CRB1: variants seen among roughly 807,000 people sequenced by gnomAD.
CRB1 encodes crumbs cell polarity complex component 1, also known as protein crumbs homolog 1.
Under a neutral mutation model 120.0 loss-of-function variants are expected in CRB1, and 83 were observed. The observed-to-expected ratio is 0.69, with a 90% confidence interval of 0.58 to 0.83. The LOEUF (loss-of-function observed/expected upper bound fraction) is 0.83. Among genes scored for constraint, CRB1 ranks in the 40% least tolerant of loss-of-function variants. The probability of loss-of-function intolerance (pLI) is 0.00; values close to 1 mark genes in which losing one functional copy is unlikely to be tolerated. For missense variants in CRB1, 1,699 were observed against 1,687.6 expected (o/e 1.01, Z -0.12); for synonymous variants, 625 against 612.5 (o/e 1.02, Z -0.30).
intron 4 of CRB1, among the ~76,000 whole-genome samples, chr1:197,354,697 G>A (rs955171645): frequency 1.1e-4 from 16 of 151,928 alleles, no homozygotes; most frequent in African/African-American, 3.9e-4. Context: ...CAAACAGTGG[G>A]CAACAGCAAG....
the CRB1 span, among the ~76,000 whole-genome samples, chr1:197,205,609 T>C: frequency 2.0e-5 from 3 of 152,198 alleles, no homozygotes; most frequent in African/African-American, 7.2e-5. Context: ...CATTGGATCA[T>C]GGTGGATTAT....
the CRB1 span, among the ~76,000 whole-genome samples, chr1:197,236,896 T>A: frequency 2.0e-5 from 3 of 152,228 alleles, no homozygotes; most frequent in Non-Finnish European, 2.9e-5. Flanking sequence ...TAAGCTTTTT[T>A]AAAATAATTT....
intron 5 of CRB1, among the ~76,000 whole-genome samples, chr1:197,366,048 AT>A (rs796232880): frequency 2.0e-5 from 3 of 151,834 alleles, no homozygotes; most frequent in South Asian, 2.1e-4. Context: ...AAGAAAAAAA[AT>A]TTTTTTAATG....
chr1:197,422,366 A>G (rs1434682971), intron 6 of CRB1, among the ~76,000 whole-genome samples: 1 of 152,130 alleles, frequency 6.6e-6, no homozygotes, highest in Non-Finnish European at 1.5e-5. Context: ...CTAGCATGAT[A>G]TCTTGTGCAT....
the CRB1 span, among the ~76,000 whole-genome samples, chr1:197,241,929 AG>A: frequency 6.6e-6 from 1 of 151,896 alleles, no homozygotes; most frequent in Non-Finnish European, 1.5e-5. Flanking sequence ...TTGTATTCCT[AG>A]GTATTTTATT....
At chr1:197,356,802 A>T in intron 4 of CRB1, 29 bp from the exon 5 acceptor site, 1 of 1,612,874 alleles carries the variant, frequency 6.2e-7, no homozygotes, top group Non-Finnish European at 8.5e-7. Flanking sequence ...CCTTTGACTT[A>T]GCAGCTTCTC....
chr1:197,436,240 G>C (rs1665155989), intron 9 of CRB1, among the ~76,000 whole-genome samples: 1 of 151,956 alleles, frequency 6.6e-6, no homozygotes, highest in Non-Finnish European at 1.5e-5. Flanking sequence ...AAGCAAGCTA[G>C]AGAAAATAAA....
intron 5 of CRB1, chr1:197,357,444 G>T: frequency 4.4e-6 from 1 of 225,836 alleles, no homozygotes; most frequent in Non-Finnish European, 8.9e-6. Flanking sequence ...CGATTCTGTA[G>T]CTAAAGTCAT....
At chr1:197,356,694 C>T in intron 4 of CRB1, 137 bp from the exon 5 acceptor site, 1 of 806,090 alleles carries the variant, frequency 1.2e-6, no homozygotes, top group Non-Finnish European at 2.1e-6. Context: ...TTACCAGATT[C>T]CCCTTACCAG....
intron 2 of CRB1, among the ~76,000 whole-genome samples, chr1:197,335,551 T>C (rs963808816): frequency 1.3e-5 from 2 of 152,022 alleles, no homozygotes; most frequent in African/African-American, 4.8e-5. Context: ...CAGGCTGGAG[T>C]GCAGTGGTGC....
intron 1 of CRB1, among the ~76,000 whole-genome samples, chr1:197,326,238 C>T (rs1658485403): frequency 6.6e-6 from 1 of 152,150 alleles, no homozygotes; most frequent in Non-Finnish European, 1.5e-5. Context: ...TACAAAGATA[C>T]AGCAGATGCT....
the CRB1 span, among the ~76,000 whole-genome samples, chr1:197,246,726 T>G: frequency 6.6e-6 from 1 of 152,080 alleles, no homozygotes; most frequent in Non-Finnish European, 1.5e-5. Flanking sequence ...AATTCAAAAT[T>G]CAGTGTACAT....
At chr1:197,414,335 A>G (rs1414090594) in intron 5 of CRB1, among the ~76,000 whole-genome samples, 2 of 152,110 alleles carry the variant, frequency 1.3e-5, no homozygotes, top group East Asian at 1.9e-4. Flanking sequence ...TTCATTAACC[A>G]TGGCTTCAGC....
chr1:197,420,217 CTTTG>C (rs763228455), intron 5 of CRB1, among the ~76,000 whole-genome samples: 5 of 152,018 alleles, frequency 3.3e-5, no homozygotes, highest in Non-Finnish European at 7.4e-5. Context: ...TATTGTTACT[CTTTG>C]TTCATTTGAA....
intron 5 of CRB1, among the ~76,000 whole-genome samples, chr1:197,379,521 C>CA (rs1359006386): frequency 6.9e-6 from 1 of 143,994 alleles, no homozygotes; most frequent in African/African-American, 2.6e-5. Context: ...AGGATGGTCT[C>CA]AATCTCCTGA....
In CRB1 at chr1:197,421,898, G is replaced by A. The variant is rs1664351740; in HGVS notation, c.2070G>A (p.Leu690=). 2.5e-6 allele frequency: 4 copies of A among 1,614,198 alleles called. No individual in the cohort carries two copies. The highest frequency in any genetic ancestry group is 2.7e-5 in the African/African-American group (2 of 75,066). The stretch of plus-strand genomic sequence containing the variant: ...AAAGCAGAGGACGCTGCATCAACTT[G>A]TGGCTGAGTTACCAGTGTGACTGCC... ...PCQSRGRCIN[L]WLSYQCDCHR... is the part of the protein sequence containing the mutation. Residue 690 remains leucine (L), a synonymous_variant, in exon 6 of 12, where the codon TTG becomes TTA. Transcript: ENST00000367400.
intron 4 of CRB1, among the ~76,000 whole-genome samples, chr1:197,350,256 G>A (rs556918882): frequency 1.1e-4 from 16 of 149,532 alleles, no homozygotes; most frequent in African/African-American, 3.6e-4. Context: ...TATTAACTGA[G>A]TGAACTCGGG....
chr1:197,337,441 T>C (rs1160716584), intron 2 of CRB1, among the ~76,000 whole-genome samples: 1 of 152,204 alleles, frequency 6.6e-6, no homozygotes, highest in East Asian at 1.9e-4. Context: ...TTGGTACTGA[T>C]AAATAACAAT....
chr1:197,245,522 A>G, the CRB1 span, among the ~76,000 whole-genome samples: 1 of 152,090 alleles, frequency 6.6e-6, no homozygotes, highest in Non-Finnish European at 1.5e-5. Context: ...AACAAAAAAG[A>G]CAGATATTAA....
Sources: gnomAD v4.1 joint callset for allele counts (sites outside exome capture counted in the v4.1 genomes callset) on GRCh38, gnomAD v4.1.1 for gene constraint, MANE v1.5 for transcripts, NCBI Gene and HGNC (gene_info 2026-07-23, HGNC 2026-07-21) for gene names.